Variants in TUSC3 observed in about 807,000 individuals in gnomAD.
TUSC3 encodes tumor suppressor candidate 3.
TUSC3 carries 45 observed loss-of-function variants against 44.8 expected under a neutral mutation model. That is an observed-to-expected ratio of 1.00 (90% CI 0.79 to 1.29). The LOEUF is 1.29. Among genes scored for constraint, TUSC3 ranks in the 50% most tolerant of loss-of-function variants. The probability of loss-of-function intolerance (pLI) is 0.00; values close to 1 mark genes in which losing one functional copy is unlikely to be tolerated. For synonymous variants in TUSC3, 212 were observed against 152.9 expected, an observed-to-expected ratio of 1.39 and a Z score of -2.85; for missense variants, 519 against 437.9, an observed-to-expected ratio of 1.19 and a Z score of -1.65.
At chr8:15,565,800 G>A (rs1020490739) in intron 1 of TUSC3, among the ~76,000 whole-genome samples, 3 of 152,032 alleles carry the variant, frequency 2.0e-5, no homozygotes, top group African/African-American at 7.2e-5. Flanking sequence ...GCCATGTGTT[G>A]CGGATGGCAG....
chr8:15,430,025 C>A (rs914782688), intron 1 of TUSC3, among the ~76,000 whole-genome samples: 5 of 151,596 alleles, frequency 3.3e-5, no homozygotes, highest in Non-Finnish European at 2.9e-5. Flanking sequence ...CAGATGGATT[C>A]ACAGCCGAAT....
At chr8:15,513,209 A>C (rs1252850683) in intron 2 of TUSC3, among the ~76,000 whole-genome samples, 1 of 151,954 alleles carries the variant, frequency 6.6e-6, no homozygotes, top group Non-Finnish European at 1.5e-5. Context: ...AAGGCTAACC[A>C]ACTTGGTAGC....
At chr8:15,708,769 T>C (rs1306471324) in intron 6 of TUSC3, among the ~76,000 whole-genome samples, 1 of 151,900 alleles carries the variant, frequency 6.6e-6, no homozygotes, top group African/African-American at 2.4e-5. Flanking sequence ...TATTTCAAGA[T>C]CTTTACAAGA....
intron 2 of TUSC3, among the ~76,000 whole-genome samples, chr8:15,502,537 C>T (rs763704360): frequency 1.3e-5 from 2 of 152,170 alleles, no homozygotes; most frequent in African/African-American, 2.4e-5. Context: ...GTCGCCTGGG[C>T]TGGAGTGCAG....
chr8:15,495,833 C>T lies in TUSC3; in HGVS notation n.189+12350C>T, dbSNP rs142924102. 4.2e-4 allele frequency among the ~76,000 whole-genome samples: 64 copies of T among 152,242 alleles called. No homozygotes were observed. The East Asian group carries it at 0.012, about 29-fold the overall frequency. ...TTGCACTCAGACTTATAACCATCCA[C>T]TTTTAGTTTCTTTTGATAGTACAAA... is the stretch of plus-strand genomic sequence containing the variant. On this transcript the variant is annotated intron_variant and non_coding_transcript_variant, in intron 2 of 5. Transcript: ENST00000503191.
chr8:15,817,985 G>T, the TUSC3 span, among the ~76,000 whole-genome samples: 1 of 152,162 alleles, frequency 6.6e-6, no homozygotes, highest in East Asian at 1.9e-4. Context: ...TGGAAAAAAG[G>T]AGGAAGCTGG....
rs1184119796 is a variant in TUSC3, at chr8:15,638,525, T to C, written c.309-12172T>C. Among the ~76,000 whole-genome samples the C allele has an allele frequency of 6.2e-4, 81 of 131,010 alleles. 1 individual carries two copies. The East Asian group carries it at 6.9e-3, about 11-fold the overall frequency. 85.9% of individuals were successfully genotyped at this position (131,010 alleles called of 152,430 possible). On this transcript the variant is annotated intron_variant, in intron 2 of 10. Transcript: ENST00000503731. Reference sequence around the variant, plus strand: ...TTTTTTTCTTTTTTTCTTTTTTTTTTTTTTTTTTTTTTTTGGAGACAAGAG... The same window carrying C: ...TTTTTTTCTTTTTTTCTTTTTTTTTCTTTTTTTTTTTTTTGGAGACAAGAG...
intron 1 of TUSC3, among the ~76,000 whole-genome samples, chr8:15,471,821 T>C (rs1800497680): frequency 6.6e-6 from 1 of 152,140 alleles, no homozygotes; most frequent in African/African-American, 2.4e-5. Context: ...TTTTGCCACG[T>C]TGGCCAGGCT....
At chr8:15,611,031 T>A (rs11782373) in intron 1 of TUSC3, among the ~76,000 whole-genome samples, 2,770 of 152,338 alleles carry the variant, frequency 0.018, 36 homozygotes, top group Admixed American at 0.026. Context: ...GATATTAGAA[T>A]AACTTAATTT....
chr8:15,571,629 T>C (rs1393910465), intron 1 of TUSC3, among the ~76,000 whole-genome samples: 1 of 152,132 alleles, frequency 6.6e-6, no homozygotes, highest in African/African-American at 2.4e-5. Flanking sequence ...TGGCAACTTC[T>C]TAAGAAATTA....
chr8:15,461,327 G>T (rs779087168), intron 1 of TUSC3, among the ~76,000 whole-genome samples: 5 of 151,992 alleles, frequency 3.3e-5, no homozygotes, highest in Admixed American at 6.6e-5. Flanking sequence ...TTCTTGACTT[G>T]ATTCTCTGCT....
chr8:15,436,343 G>A (rs1343407448), intron 1 of TUSC3, among the ~76,000 whole-genome samples: 3 of 152,174 alleles, frequency 2.0e-5, no homozygotes, highest in Non-Finnish European at 4.4e-5. Flanking sequence ...GAGAGCATGT[G>A]GGATGGAATG....
chr8:15,609,069 AT>A (rs1013019633), intron 1 of TUSC3, among the ~76,000 whole-genome samples: 1 of 152,052 alleles, frequency 6.6e-6, no homozygotes, highest in African/African-American at 2.4e-5. Flanking sequence ...ATTCTATTGA[AT>A]TTTTCTTTGT....
chr8:15,749,133 T>C (rs200664294), intron 9 of TUSC3, among the ~76,000 whole-genome samples: 1 of 27,550 alleles, frequency 3.6e-5, no homozygotes, highest in African/African-American at 3.3e-4. Flanking sequence ...AACTTAACAT[T>C]TTTTTCTTTC....
intron 8 of TUSC3, among the ~76,000 whole-genome samples, chr8:15,745,806 GT>G (rs1811390692): frequency 6.6e-6 from 1 of 151,892 alleles, no homozygotes; most frequent in Non-Finnish European, 1.5e-5. Context: ...CCACTTGCCA[GT>G]TTTTATTTGC....
At chr8:15,683,515 A>G (rs1024856865) in intron 6 of TUSC3, among the ~76,000 whole-genome samples, 4 of 151,854 alleles carry the variant, frequency 2.6e-5, no homozygotes, top group South Asian at 2.1e-4. Flanking sequence ...CTTTCTTACT[A>G]TATCTTTGTT....
chr8:15,837,445 T>C, the TUSC3 span, among the ~76,000 whole-genome samples: 2 of 152,188 alleles, frequency 1.3e-5, no homozygotes, highest in Non-Finnish European at 2.9e-5. Flanking sequence ...GCCTTTCTTC[T>C]GTATCTATCA....
chr8:15,731,067 T>TATAA (rs1201385424), intron 7 of TUSC3, among the ~76,000 whole-genome samples: 5 of 152,106 alleles, frequency 3.3e-5, no homozygotes, highest in African/African-American at 1.2e-4. Context: ...TGCCTTATGA[T>TATAA]ATAAATAGCA....
At chr8:15,522,649 G>C (rs111857144) in intron 2 of TUSC3, among the ~76,000 whole-genome samples, 4,518 of 151,876 alleles carry the variant, frequency 0.03, 243 homozygotes, top group African/African-American at 0.1. Context: ...CCCAAGATAG[G>C]GGCTGTTTCC....
Sources: gnomAD v4.1 joint callset for allele counts (sites outside exome capture counted in the v4.1 genomes callset) on GRCh38, gnomAD v4.1.1 for gene constraint, MANE v1.5 for transcripts, NCBI Gene and HGNC (gene_info 2026-07-23, HGNC 2026-07-21) for gene names.